The following ERI1 variants were observed in gnomAD, a reference collection of about 807,000 sequenced individuals.
ERI1 encodes the protein 3'-5' exoribonuclease 1.
ERI1 carries 39 observed loss-of-function variants against 39.7 expected under a neutral mutation model. The observed-to-expected ratio is 0.98, with a 90% CI of 0.76 to 1.28. The LOEUF (loss-of-function observed/expected upper bound fraction) is 1.28. Among genes scored for constraint, ERI1 ranks in the 50% most tolerant of loss-of-function variants. The pLI is 0.00. For missense variants in ERI1, 581 were observed against 416.9 expected (o/e 1.39, Z -3.43); for synonymous variants, 204 against 149.6 (o/e 1.36, Z -2.65).
At chr8:9,099,026 G>C (rs1039676778) in intron 3 of ERI1, among the ~76,000 whole-genome samples, 8 of 151,904 alleles carry the variant, frequency 5.3e-5, no homozygotes, top group African/African-American at 1.7e-4. Flanking sequence ...GTAGAGACAG[G>C]GTTTCACCAT....
chr8:9,050,034 T>C (rs183309452), intron 3 of ERI1, among the ~76,000 whole-genome samples: 245 of 152,262 alleles, frequency 1.6e-3, no homozygotes, highest in African/African-American at 5.6e-3. Flanking sequence ...CCTTGGTAAA[T>C]TAACCTGTTT....
At position 9,033,326 on chromosome 8, in the gene ERI1, G is replaced by C. The variant is rs1021838964; in HGVS notation, c.*3292G>C. 1 of 152,152 alleles carries C rather than the reference G, an allele frequency of 6.6e-6. No homozygotes were observed. Among genetic ancestry groups the C allele is most frequent in the African/African-American group, 2.4e-5 (1 of 41,434 alleles). The allele number at this position is 152,152 out of a possible 1,614,324, so 9.4% of individuals were successfully genotyped here. A position where few individuals can be genotyped will look rare whatever the true frequency, so the allele number is the denominator to read the frequency against. ...CGAAATTTTAGTTTCTCTAAATAAA[G>C]TTTTGGAAAGAACTACCATTCTCAT... On this transcript the variant is annotated 3_prime_UTR_variant, in exon 7 of 7. Coordinates refer to ENST00000250263, the MANE Select transcript of ERI1 (RefSeq NM_153332.4).
At chr8:9,004,128 C>G (rs542305282) in intron 1 of ERI1, 2 of 1,289,206 alleles carry the variant, frequency 1.6e-6, no homozygotes, top group South Asian at 2.5e-5. Flanking sequence ...CGTTAAGGAT[C>G]TCTGTATGTT....
intron 3 of ERI1, among the ~76,000 whole-genome samples, chr8:9,068,896 A>G (rs1798965818): frequency 6.6e-6 from 1 of 152,112 alleles, no homozygotes; most frequent in Non-Finnish European, 1.5e-5. Flanking sequence ...GGCTGACTGC[A>G]GCGTTGACTC....
intron 3 of ERI1, among the ~76,000 whole-genome samples, chr8:9,044,072 C>A (rs375877117): frequency 2.0e-4 from 31 of 152,216 alleles, no homozygotes; most frequent in African/African-American, 7.2e-4. Context: ...TTATGAGCTC[C>A]CAATTTTCCT....
chr8:9,067,766 G>C (rs1350581361), intron 3 of ERI1, among the ~76,000 whole-genome samples: 1 of 151,960 alleles, frequency 6.6e-6, no homozygotes, highest in East Asian at 1.9e-4. Context: ...GGTATTAACT[G>C]AATGATTTCA....
At chr8:9,022,196 G>A (rs946501842) in intron 6 of ERI1, among the ~76,000 whole-genome samples, 3 of 152,004 alleles carry the variant, frequency 2.0e-5, no homozygotes, top group Non-Finnish European at 4.4e-5. Context: ...TAAATCTGAC[G>A]GGTGTGTGAT....
intron 1 of ERI1, among the ~76,000 whole-genome samples, chr8:9,004,780 C>G (rs962780283): frequency 2.7e-5 from 4 of 150,014 alleles, no homozygotes; most frequent in South Asian, 2.1e-4. Context: ...TCCCGCCTCC[C>G]GGATTCAAGT....
intron 6 of ERI1, among the ~76,000 whole-genome samples, chr8:9,026,872 T>C (rs568434570): frequency 5.8e-4 from 88 of 150,556 alleles, no homozygotes; most frequent in African/African-American, 2.0e-3. Context: ...AAAAAAAAAA[T>C]CCATTGATTG....
At position 9,074,305 on chromosome 8, in the gene ERI1, T is replaced by G. The variant is rs527325884; in HGVS notation, n.300-42043T>G. On this transcript the variant is annotated intron_variant and non_coding_transcript_variant, in intron 3 of 3. Transcript: ENST00000518663. ...TTTTTTTTTTCAGTAGAGACAGAGT[T>G]TCACCATGTTGGCCAGGCTGGACTT... 2.0e-5 allele frequency among the ~76,000 whole-genome samples: 3 copies of G among 150,786 alleles called. No homozygotes were observed. In the East Asian group the frequency reaches 5.9e-4, roughly 30 times the overall value.
chr8:9,053,111 G>T (rs1022480887), intron 3 of ERI1, among the ~76,000 whole-genome samples: 1 of 152,128 alleles, frequency 6.6e-6, no homozygotes, highest in Non-Finnish European at 1.5e-5. Context: ...CTGCCTCCCG[G>T]GTTCAAGAGA....
intron 3 of ERI1, among the ~76,000 whole-genome samples, chr8:9,095,041 C>G (rs1347835526): frequency 6.6e-6 from 1 of 152,082 alleles, no homozygotes; most frequent in African/African-American, 2.4e-5. Flanking sequence ...CTGCCGTTTT[C>G]CTACTGGCAG....
At chr8:9,043,298 C>G (rs751513035) in intron 3 of ERI1, among the ~76,000 whole-genome samples, 3 of 152,204 alleles carry the variant, frequency 2.0e-5, no homozygotes, top group Non-Finnish European at 4.4e-5. Flanking sequence ...GTATGCAGCA[C>G]CCTCCCCCAA....
At chr8:9,070,573 G>A (rs1376359256) in intron 3 of ERI1, among the ~76,000 whole-genome samples, 2 of 152,194 alleles carry the variant, frequency 1.3e-5, no homozygotes, top group Non-Finnish European at 2.9e-5. Flanking sequence ...GAACAGAAAG[G>A]AAGAAATTGA....
chr8:9,052,317 C>CT (rs113459981), intron 3 of ERI1, among the ~76,000 whole-genome samples: 3,214 of 148,256 alleles, frequency 0.022, 94 homozygotes, highest in South Asian at 0.095. Context: ...ACTAGATATA[C>CT]TTTTTTTTTT....
chr8:9,072,765 G>A (rs76468536), intron 3 of ERI1, among the ~76,000 whole-genome samples: 1 of 152,132 alleles, frequency 6.6e-6, no homozygotes, highest in African/African-American at 2.4e-5. Flanking sequence ...AAGGAACAGA[G>A]TGACCCCCCA....
chr8:9,011,762 T>G lies in ERI1; in HGVS notation c.498+10T>G. 1 of 1,573,966 alleles carries G rather than the reference T, an allele frequency of 6.4e-7. No individual in the cohort carries two copies. Among genetic ancestry groups the G allele is most frequent in the Non-Finnish European group, 8.7e-7 (1 of 1,151,448 alleles). On this transcript the variant is annotated intron_variant, in intron 3 of 6. Transcript: ENST00000250263. ...GCATACTTTAGAAATAGTAAGTGAA[T>G]TTTTGTATTTTAATTGTATTTCTAG...
chr8:9,079,726 T>G (rs925640293), intron 3 of ERI1, among the ~76,000 whole-genome samples: 1 of 152,086 alleles, frequency 6.6e-6, no homozygotes, highest in Admixed American at 6.6e-5. Context: ...CAGGCTGGAG[T>G]GCAGTGGATC....
chr8:9,040,529 A>G (rs1020798040), intron 3 of ERI1, among the ~76,000 whole-genome samples: 1 of 151,976 alleles, frequency 6.6e-6, no homozygotes, highest in African/African-American at 2.4e-5. Flanking sequence ...AGAGGGCTGT[A>G]TGAAAGCTCA....
Sources: gnomAD v4.1 joint callset for allele counts (sites outside exome capture counted in the v4.1 genomes callset) on GRCh38, gnomAD v4.1.1 for gene constraint, MANE v1.5 for transcripts, NCBI Gene and HGNC (gene_info 2026-07-23, HGNC 2026-07-21) for gene names.